The following HPSE2 variants were observed in gnomAD, a reference collection of about 807,000 sequenced individuals.
HPSE2 encodes heparanase 2 (inactive), also known as inactive heparanase-2.
A neutral mutation model predicts 60.5 loss-of-function variants in HPSE2; 38 were observed. The observed-to-expected ratio is 0.63, with a 90% CI of 0.48 to 0.82. The LOEUF (loss-of-function observed/expected upper bound fraction) is 0.82. Ranked by LOEUF, HPSE2 falls within the 40% of genes least tolerant of loss-of-function variation. The probability of loss-of-function intolerance (pLI) is 0.00; values close to 1 mark genes in which losing one functional copy is unlikely to be tolerated. For synonymous variants in HPSE2, 295 were observed against 293.2 expected, an observed-to-expected ratio of 1.01 and a Z score of -0.06; for missense variants, 713 against 740.4, an observed-to-expected ratio of 0.96 and a Z score of 0.43.
intron 6 of HPSE2, among the ~76,000 whole-genome samples, chr10:98,692,149 T>C (rs1034391524): frequency 6.6e-6 from 1 of 151,782 alleles, no homozygotes; most frequent in African/African-American, 2.4e-5. Flanking sequence ...CTCCAGGAAA[T>C]GACATGTAAG....
At chr10:98,536,815 A>G (rs1943297944) in intron 9 of HPSE2, among the ~76,000 whole-genome samples, 1 of 152,182 alleles carries the variant, frequency 6.6e-6, no homozygotes. Context: ...GAGTTTACTC[A>G]GAGGAAAACA....
At position 98,848,156 on chromosome 10, in the gene HPSE2, G is replaced by A. The variant is rs1246426769; in HGVS notation, c.611-104100C>T. On this transcript the variant is annotated intron_variant, in intron 3 of 11. Transcript: ENST00000370552. Reference sequence around the variant, plus strand: ...GGAAGAGCCAGGTGTGGTGGCTCACGCCTGTAATCCCAGTACTTTGGGAGA... The same window carrying A: ...GGAAGAGCCAGGTGTGGTGGCTCACACCTGTAATCCCAGTACTTTGGGAGA... Among the ~76,000 whole-genome samples the A allele has an allele frequency of 2.0e-5, 3 of 152,176 alleles. No homozygotes were observed. In the East Asian group the frequency reaches 5.8e-4, roughly 29 times the overall value.
intron 3 of HPSE2, among the ~76,000 whole-genome samples, chr10:99,124,916 G>A (rs1589695090): frequency 1.3e-5 from 2 of 152,228 alleles, no homozygotes; most frequent in Admixed American, 6.5e-5. Flanking sequence ...ACTGCAGCTG[G>A]CATCTTCACA....
chr10:98,921,846 G>T (rs1424925963), intron 3 of HPSE2, among the ~76,000 whole-genome samples: 1 of 152,064 alleles, frequency 6.6e-6, no homozygotes, highest in Non-Finnish European at 1.5e-5. Flanking sequence ...CTACACTCTT[G>T]TTTCTCTTTT....
intron 3 of HPSE2, among the ~76,000 whole-genome samples, chr10:98,982,922 G>A (rs1956241873): frequency 2.0e-5 from 3 of 152,146 alleles, no homozygotes; most frequent in African/African-American, 7.2e-5. Flanking sequence ...AAAAACAACT[G>A]CCAAGACTAG....
the HPSE2 span, among the ~76,000 whole-genome samples, chr10:99,259,727 T>C: frequency 1.9e-3 from 284 of 152,222 alleles, no homozygotes; most frequent in African/African-American, 6.4e-3. Flanking sequence ...TCAGTATGGG[T>C]CTGTGGCCTG....
intron 3 of HPSE2, among the ~76,000 whole-genome samples, chr10:99,136,163 C>G (rs1297074902): frequency 6.6e-6 from 1 of 152,182 alleles, no homozygotes; most frequent in Admixed American, 6.5e-5. Flanking sequence ...TTCCTAGACA[C>G]ATACACCCTC....
intron 9 of HPSE2, among the ~76,000 whole-genome samples, chr10:98,498,507 G>C (rs1199920411): frequency 6.6e-6 from 1 of 152,140 alleles, no homozygotes; most frequent in Non-Finnish European, 1.5e-5. Context: ...GCCTTTAGCT[G>C]TAGACCTTCC....
intron 3 of HPSE2, among the ~76,000 whole-genome samples, chr10:98,975,379 G>T (rs1272985371): frequency 6.6e-6 from 1 of 152,042 alleles, no homozygotes; most frequent in Non-Finnish European, 1.5e-5. Flanking sequence ...AACTCTAGTT[G>T]TATGTTAGGC....
the HPSE2 span, among the ~76,000 whole-genome samples, chr10:99,290,430 T>C: frequency 6.6e-6 from 1 of 152,142 alleles, no homozygotes; most frequent in Non-Finnish European, 1.5e-5. Context: ...CTACATTCCT[T>C]CCAGGAGGGC....
At chr10:99,111,797 AC>A (rs1172164931) in intron 3 of HPSE2, among the ~76,000 whole-genome samples, 2 of 152,184 alleles carry the variant, frequency 1.3e-5, no homozygotes, top group African/African-American at 4.8e-5. Flanking sequence ...AGAGTAGGAA[AC>A]TTTTAGTACC....
chr10:98,511,555 G>GGGGTGT (rs1319662614), intron 9 of HPSE2, among the ~76,000 whole-genome samples: 8 of 140,736 alleles, frequency 5.7e-5, no homozygotes, highest in Non-Finnish European at 9.3e-5. Flanking sequence ...ACATAACTAT[G>GGGGTGT]GTGTGTGTGT....
At chr10:98,664,983 A>C (rs1403390552) in intron 6 of HPSE2, among the ~76,000 whole-genome samples, 2 of 152,250 alleles carry the variant, frequency 1.3e-5, no homozygotes, top group African/African-American at 2.4e-5. Flanking sequence ...CACAGAATTC[A>C]GAATCTTGAT....
intron 6 of HPSE2, among the ~76,000 whole-genome samples, chr10:98,657,556 C>T (rs978631390): frequency 3.3e-5 from 5 of 152,032 alleles, no homozygotes; most frequent in Non-Finnish European, 7.4e-5. Context: ...GGGCTGGTCT[C>T]GAACTCTTGA....
intron 3 of HPSE2, among the ~76,000 whole-genome samples, chr10:98,976,884 T>C (rs1956098764): frequency 6.6e-6 from 1 of 152,122 alleles, no homozygotes; most frequent in East Asian, 1.9e-4. Context: ...TTCAATCCAA[T>C]AACAAGTATC....
chr10:98,597,686 A>G (rs930758726), intron 9 of HPSE2, among the ~76,000 whole-genome samples: 2 of 149,888 alleles, frequency 1.3e-5, no homozygotes, highest in Non-Finnish European at 3.0e-5. Flanking sequence ...AAAAAAAAAA[A>G]ATTGCTCATC....
chr10:99,171,310 C>A (rs1847298714), intron 2 of HPSE2, among the ~76,000 whole-genome samples: 1 of 152,144 alleles, frequency 6.6e-6, no homozygotes, highest in Non-Finnish European at 1.5e-5. Flanking sequence ...TATCGCACTA[C>A]ATTAACTAAA....
intron 6 of HPSE2, among the ~76,000 whole-genome samples, chr10:98,688,313 T>A (rs532274316): frequency 2.6e-5 from 4 of 152,156 alleles, no homozygotes; most frequent in African/African-American, 4.8e-5. Flanking sequence ...TATTTTTGCA[T>A]GAATCATTAT....
At chr10:98,741,132 TAGAA>T (rs1290122870) in intron 4 of HPSE2, among the ~76,000 whole-genome samples, 1 of 152,060 alleles carries the variant, frequency 6.6e-6, no homozygotes, top group African/African-American at 2.4e-5. Context: ...ACAGAAAAAA[TAGAA>T]AGGCACTCTA....
Sources: allele counts gnomAD v4.1 joint callset (sites outside exome capture counted in the v4.1 genomes callset), GRCh38; gene constraint gnomAD v4.1.1; transcripts MANE v1.5; gene names NCBI Gene and HGNC (gene_info 2026-07-23, HGNC 2026-07-21).